The following ZMAT4 variants were observed in gnomAD, a reference collection of about 807,000 sequenced individuals.
ZMAT4 encodes zinc finger matrin-type 4.
Under a neutral mutation model 28.7 loss-of-function variants are expected in ZMAT4, and 17 were observed. That is an observed-to-expected ratio of 0.59 (90% CI 0.41 to 0.89). The LOEUF (loss-of-function observed/expected upper bound fraction) is 0.89. ZMAT4 is among the 40% of genes least tolerant of loss of function. ZMAT4 has a pLI of 0.00. For synonymous variants in ZMAT4, 117 were observed against 109.2 expected (o/e 1.07, Z -0.44); for missense variants, 240 against 283.8 (o/e 0.85, Z 1.11).
chr8:40,547,302 A>G (rs1803235552), intron 6 of ZMAT4, among the ~76,000 whole-genome samples: 1 of 152,182 alleles, frequency 6.6e-6, no homozygotes, highest in African/African-American at 2.4e-5. Flanking sequence ...TTTCCTCTCT[A>G]GACCTCTGAC....
At chr8:40,538,338 C>T (rs1005381652) in intron 6 of ZMAT4, among the ~76,000 whole-genome samples, 3 of 152,090 alleles carry the variant, frequency 2.0e-5, no homozygotes, top group East Asian at 1.9e-4. Flanking sequence ...TGGAAGCCTC[C>T]GAACCCCGCT....
chr8:40,602,618 A>G (rs1204866855), intron 5 of ZMAT4, among the ~76,000 whole-genome samples: 1 of 152,060 alleles, frequency 6.6e-6, no homozygotes, highest in Non-Finnish European at 1.5e-5. Context: ...TTTCCCTGAT[A>G]ATTAGTGATG....
intron 5 of ZMAT4, among the ~76,000 whole-genome samples, chr8:40,606,574 C>G (rs969170527): frequency 6.6e-6 from 1 of 152,220 alleles, no homozygotes; most frequent in African/African-American, 2.4e-5. Flanking sequence ...TTTTCCTTTA[C>G]AGGTTACCTG....
At chr8:40,668,489 AAAG>A (rs1808534704) in intron 5 of ZMAT4, among the ~76,000 whole-genome samples, 2 of 151,324 alleles carry the variant, frequency 1.3e-5, no homozygotes, top group Non-Finnish European at 2.9e-5. Context: ...AAAAAAAAGA[AAAG>A]AAAAAAGAAA....
intron 3 of ZMAT4, among the ~76,000 whole-genome samples, chr8:40,713,636 C>T (rs533373160): frequency 1.3e-5 from 2 of 152,156 alleles, no homozygotes; most frequent in East Asian, 3.9e-4. Flanking sequence ...AGGCCAGGCG[C>T]AGTGGCTCTT....
At chr8:40,811,100 T>C (rs1815296095) in intron 2 of ZMAT4, among the ~76,000 whole-genome samples, 1 of 152,184 alleles carries the variant, frequency 6.6e-6, no homozygotes, top group African/African-American at 2.4e-5. Context: ...CTGAGTCCAA[T>C]TCAGTAATAA....
At chr8:40,621,644 G>A (rs1450806857) in intron 5 of ZMAT4, among the ~76,000 whole-genome samples, 2 of 152,224 alleles carry the variant, frequency 1.3e-5, no homozygotes, top group African/African-American at 4.8e-5. Context: ...TGACTCCTGA[G>A]ACCCTGCCTT....
intron 6 of ZMAT4, among the ~76,000 whole-genome samples, chr8:40,572,842 C>G (rs543171870): frequency 2.0e-5 from 3 of 152,086 alleles, no homozygotes; most frequent in African/African-American, 4.8e-5. Flanking sequence ...TGTAAAAGAC[C>G]GTGTCTGGTT....
At chr8:40,566,769 G>C (rs1344506394) in intron 6 of ZMAT4, among the ~76,000 whole-genome samples, 1 of 151,798 alleles carries the variant, frequency 6.6e-6, no homozygotes, top group African/African-American at 2.4e-5. Context: ...GAGACTTAAA[G>C]TGTCCATTCC....
intron 2 of ZMAT4, among the ~76,000 whole-genome samples, chr8:40,813,030 T>G (rs1017241372): frequency 9.3e-5 from 14 of 151,322 alleles, no homozygotes; most frequent in Admixed American, 3.3e-4. Flanking sequence ...AATAATGTAT[T>G]AATACTGGTT....
chr8:40,724,288 G>A (rs953446026), intron 3 of ZMAT4, among the ~76,000 whole-genome samples: 1 of 152,166 alleles, frequency 6.6e-6, no homozygotes, highest in Non-Finnish European at 1.5e-5. Flanking sequence ...CATTGGAAAA[G>A]CCAGATGTGG....
chr8:40,534,725 C>T (rs564353446), intron 6 of ZMAT4, among the ~76,000 whole-genome samples: 24 of 143,780 alleles, frequency 1.7e-4, no homozygotes, highest in African/African-American at 5.8e-4. Context: ...CTTTGTCGCC[C>T]AGGCTGGAGT....
Position 40,531,399 on chromosome 8 carries a change from A to G in ZMAT4, c.*824T>C, listed in dbSNP as rs556286165. ...CAGTTCAGGCCAAACATCATAAAAA[A>G]AAATACTTGTTTATTTCCATCTCAT... is the stretch of plus-strand genomic sequence containing the variant. On this transcript the variant is annotated 3_prime_UTR_variant, in exon 7 of 7. Transcript: ENST00000297737. 3.3e-5 allele frequency: 5 copies of G among 152,296 alleles called. No individual in the cohort carries two copies. The East Asian group carries it at 9.6e-4, about 29-fold the overall frequency. 9.4% of individuals were successfully genotyped at this position (152,296 alleles called of 1,614,324 possible).
chr8:40,853,557 A>G (rs1453067416), intron 1 of ZMAT4, among the ~76,000 whole-genome samples: 1 of 152,194 alleles, frequency 6.6e-6, no homozygotes, highest in Non-Finnish European at 1.5e-5. Context: ...CTCCGTCTCA[A>G]AAAAATAAAT....
At chr8:40,895,564 G>A (rs1818838145) in intron 1 of ZMAT4, among the ~76,000 whole-genome samples, 1 of 152,224 alleles carries the variant, frequency 6.6e-6, no homozygotes, top group Non-Finnish European at 1.5e-5. Flanking sequence ...GGAGGAGGCA[G>A]AGGGAAGGAA....
chr8:40,537,272 T>C (rs998330622), intron 6 of ZMAT4, among the ~76,000 whole-genome samples: 2 of 152,162 alleles, frequency 1.3e-5, no homozygotes, highest in African/African-American at 2.4e-5. Flanking sequence ...TGGGGTTCAG[T>C]TGACACCTCT....
At chr8:40,545,616 C>G (rs1272371468) in intron 6 of ZMAT4, among the ~76,000 whole-genome samples, 4 of 151,976 alleles carry the variant, frequency 2.6e-5, no homozygotes, top group Non-Finnish European at 5.9e-5. Context: ...AAGAAGAAAG[C>G]CATGTGAAGA....
intron 2 of ZMAT4, among the ~76,000 whole-genome samples, chr8:40,776,208 G>A (rs917932329): frequency 9.2e-5 from 14 of 152,136 alleles, no homozygotes; most frequent in African/African-American, 2.4e-4. Flanking sequence ...AAAGCAAAAA[G>A]GGTAGTCCCA....
intron 4 of ZMAT4, among the ~76,000 whole-genome samples, chr8:40,692,859 G>T (rs928914141): frequency 3.3e-5 from 5 of 152,072 alleles, no homozygotes; most frequent in Non-Finnish European, 7.4e-5. Context: ...TTTTGAATGA[G>T]ATCTTGCTGA....
Sources: gnomAD v4.1 joint callset for allele counts (sites outside exome capture counted in the v4.1 genomes callset) on GRCh38, gnomAD v4.1.1 for gene constraint, MANE v1.5 for transcripts, NCBI Gene and HGNC (gene_info 2026-07-23, HGNC 2026-07-21) for gene names.